The following DBNL variants were observed in gnomAD, a reference collection of about 807,000 sequenced individuals.
DBNL encodes drebrin like, also known as drebrin-like protein.
A neutral mutation model predicts 62.2 loss-of-function variants in DBNL; 35 were observed. The observed-to-expected ratio is 0.56, with a 90% CI of 0.43 to 0.75. DBNL has a LOEUF of 0.75. DBNL is among the 30% of genes least tolerant of loss of function. The pLI, the probability that DBNL is intolerant of heterozygous loss-of-function variation, is 0.00. For missense variants in DBNL, 495 were observed against 578.4 expected, an observed-to-expected ratio of 0.86 and a Z score of 1.48; for synonymous variants, 197 against 218.0, an observed-to-expected ratio of 0.90 and a Z score of 0.85.
At position 44,059,936 on chromosome 7, in the gene DBNL, G is replaced by A; in HGVS notation, c.1048-112G>A. ...CAGCAGCAGCCCAGCCCCCGAGCCT[G>A]TAGACTGCTTGCCCTCTGCGTACTC... On this transcript the variant is annotated intron_variant, in intron 11 of 12. Coordinates refer to ENST00000448521, the MANE Select transcript of DBNL (RefSeq NM_001014436.3). The surrounding 1 kb of genome is among the most constrained non-coding windows in gnomAD (Gnocchi z 4.1). The A allele has an allele frequency of 2.8e-6, 3 of 1,090,520 alleles. No homozygotes were observed. Among genetic ancestry groups the A allele is most frequent in the Non-Finnish European group, 2.7e-6 (2 of 742,252 alleles). The allele number at this position is 1,090,520 out of a possible 1,614,324, so 67.6% of individuals were successfully genotyped here.
At chr7:44,046,419 C>T (rs1318364312) in intron 1 of DBNL, among the ~76,000 whole-genome samples, 1 of 152,174 alleles carries the variant, frequency 6.6e-6, no homozygotes, top group East Asian at 1.9e-4. Flanking sequence ...TTTGGGCTTC[C>T]CTCTTCAGAC....
chr7:44,059,661 G>A lies in DBNL; in HGVS notation c.1047+3G>A, dbSNP rs943446668. On this transcript the variant is annotated splice_donor_region_variant and intron_variant, in intron 11 of 12. Transcript: ENST00000448521. This position sits in a 1 kb window ranked among gnomAD's most constrained non-coding sequence, Gnocchi z 4.1. The stretch of plus-strand genomic sequence containing the variant: ...CCTTCTACGAGCAGCCCCCACTGGT[G>A]GGTTCCTACACTGGGGCTGGGGCCA... The A allele has an allele frequency of 1.9e-6, 3 of 1,597,444 alleles. No homozygotes were observed. Among genetic ancestry groups the A allele is most frequent in the African/African-American group, 1.3e-5 (1 of 74,732 alleles).
chr7:44,046,111 A>G (rs551937101), intron 1 of DBNL, among the ~76,000 whole-genome samples: 21 of 152,288 alleles, frequency 1.4e-4, no homozygotes, highest in African/African-American at 5.1e-4. Context: ...TGTTTCTCTT[A>G]GACCTCTCCT....
At chr7:44,055,121 C>A (rs2096133898) in intron 4 of DBNL, among the ~76,000 whole-genome samples, 1 of 152,194 alleles carries the variant, frequency 6.6e-6, no homozygotes, top group Admixed American at 6.5e-5. Flanking sequence ...AGCTGGATTG[C>A]TAGATCATAT....
intron 1 of DBNL, 141 bp from the exon 2 acceptor site, chr7:44,050,084 A>C: frequency 1.2e-6 from 1 of 865,524 alleles, no homozygotes; most frequent in Non-Finnish European, 1.9e-6. Flanking sequence ...GTCAGAGCAA[A>C]GTGAGAACGG....
chr7:44,055,179 C>G (rs924559771), intron 4 of DBNL, among the ~76,000 whole-genome samples: 17 of 152,208 alleles, frequency 1.1e-4, no homozygotes, highest in African/African-American at 3.9e-4. Flanking sequence ...AAAAACCATA[C>G]TGTTGTCTAG....
intron 5 of DBNL, among the ~76,000 whole-genome samples, chr7:44,057,484 G>T (rs1315723733): frequency 1.7e-4 from 26 of 152,160 alleles, no homozygotes; most frequent in Admixed American, 1.7e-3. Flanking sequence ...CTGCAGGTGG[G>T]GTATGGGGGC....
At position 44,061,278 on chromosome 7, in the gene DBNL, G is replaced by C; in HGVS notation, c.*362G>C. ...CTCTGGCTGCCTTCTGCATTTATTT[G>C]CCTTTTTTCTTTTTCTCTTGCTTCT... On this transcript the variant is annotated 3_prime_UTR_variant, in exon 13 of 13. Transcript: ENST00000448521. The C allele has an allele frequency of 4.2e-6, 1 of 240,866 alleles. No homozygotes were observed. Among genetic ancestry groups the C allele is most frequent in the Non-Finnish European group, 8.2e-6 (1 of 122,422 alleles). 14.9% of individuals were successfully genotyped at this position (240,866 alleles called of 1,614,324 possible). A position where few individuals can be genotyped will look rare whatever the true frequency, so the allele number is the denominator to read the frequency against.
chr7:44,061,185 T>C lies in DBNL; in HGVS notation c.*269T>C. On this transcript the variant is annotated 3_prime_UTR_variant, in exon 13 of 13. Transcript: ENST00000448521. Reference sequence around the variant, plus strand: ...ACAGGATACTGAGCCAAGCCCTGCCTGTGGCCAAGCCCTGAGTGGCCACTG... The same window carrying C: ...ACAGGATACTGAGCCAAGCCCTGCCCGTGGCCAAGCCCTGAGTGGCCACTG... The C allele has an allele frequency of 2.2e-6, 1 of 463,968 alleles. No homozygotes were observed. The highest frequency in any genetic ancestry group is 3.8e-6 in the Non-Finnish European group (1 of 259,986). The allele number at this position is 463,968 out of a possible 1,614,324, so 28.7% of individuals were successfully genotyped here.
Position 44,059,920 on chromosome 7 carries a change from C to A in DBNL, c.1048-128C>A. On this transcript the variant is annotated intron_variant, in intron 11 of 12. Transcript: ENST00000448521. This position sits in a 1 kb window ranked among gnomAD's most constrained non-coding sequence, Gnocchi z 4.1. Reference sequence around the variant, plus strand: ...TCTGGTAGGGCGGGGACAGCAGCAGCCCAGCCCCCGAGCCTGTAGACTGCT... The same window carrying A: ...TCTGGTAGGGCGGGGACAGCAGCAGACCAGCCCCCGAGCCTGTAGACTGCT... 3 of 939,018 alleles carry A rather than the reference C, an allele frequency of 3.2e-6. No individual in the cohort carries two copies. Among genetic ancestry groups the A allele is most frequent in the Non-Finnish European group, 3.3e-6 (2 of 610,900 alleles). 58.2% of individuals were successfully genotyped at this position (939,018 alleles called of 1,614,324 possible).
Position 44,063,225 on chromosome 7 carries a change from G to A in DBNL, c.*2309G>A, listed in dbSNP as rs543356808. On this transcript the variant is annotated 3_prime_UTR_variant, in exon 13 of 13. Coordinates refer to ENST00000448521, the MANE Select transcript of DBNL (RefSeq NM_001014436.3). ...CCTCAGCCCAGTGTGACTCCAGCCA[G>A]ACTGAAGTTGAGGGTCAGGAAGGGA... 4.3e-6 allele frequency: 2 copies of A among 468,434 alleles called. No homozygotes were observed. The highest frequency in any genetic ancestry group is 4.5e-5 in the South Asian group (2 of 44,486). The allele number at this position is 468,434 out of a possible 1,614,324, so 29.0% of individuals were successfully genotyped here.
At chr7:44,047,582 G>T (rs1207179959) in intron 1 of DBNL, among the ~76,000 whole-genome samples, 2 of 152,186 alleles carry the variant, frequency 1.3e-5, no homozygotes, top group Non-Finnish European at 2.9e-5. Flanking sequence ...TAGAAAGTAA[G>T]TTCCATGGGC....
In DBNL at chr7:44,044,839, C is replaced by T. The variant is rs576212763; in HGVS notation, c.83+19C>T. ...CCGACTGGTGGGCGGCGAGACGGGC[C>T]AGGGTCGGGCCAGGGGCTGCCTCAG... On this transcript the variant is annotated intron_variant, in intron 1 of 12. Coordinates refer to ENST00000448521, the MANE Select transcript of DBNL (RefSeq NM_001014436.3). 262 of 1,449,680 alleles carry T rather than the reference C, an allele frequency of 1.8e-4. No homozygotes were observed. The highest frequency in any genetic ancestry group is 2.9e-4 in the Admixed American group (11 of 38,144). The allele number at this position is 1,449,680 out of a possible 1,614,324, so 89.8% of individuals were successfully genotyped here. A position where few individuals can be genotyped will look rare whatever the true frequency, so the allele number is the denominator to read the frequency against.
chr7:44,052,700 G>A (rs896137013), intron 3 of DBNL, among the ~76,000 whole-genome samples, 167 bp from the exon 4 acceptor site: 4 of 152,204 alleles, frequency 2.6e-5, no homozygotes, highest in African/African-American at 9.6e-5. Context: ...GAGCCCCTTG[G>A]AGGCATGGGA....
chr7:44,046,307 C>G (rs2096117154), intron 1 of DBNL, among the ~76,000 whole-genome samples: 2 of 152,204 alleles, frequency 1.3e-5, no homozygotes, highest in South Asian at 4.1e-4. Context: ...CTAGGAGCTT[C>G]CTGGCACTCC....
chr7:44,064,640 G>A lies in DBNL; in HGVS notation c.*3724G>A. ...AGTGCAGTCAGCCCCTGTGGAGTGTGTCCCAGTTACACAGAAATGGGGAAA... is the reference window on the plus strand; with the variant it reads ...AGTGCAGTCAGCCCCTGTGGAGTGTATCCCAGTTACACAGAAATGGGGAAA... On this transcript the variant is annotated 3_prime_UTR_variant, in exon 13 of 13. Transcript: ENST00000448521. The A allele has an allele frequency of 1.1e-5, 7 of 626,490 alleles. No individual in the cohort carries two copies. In the South Asian group the frequency reaches 1.3e-4, roughly 12 times the overall value. The allele number at this position is 626,490 out of a possible 1,614,324, so 38.8% of individuals were successfully genotyped here.
Position 44,060,837 on chromosome 7 carries a change from A to G in DBNL, c.1214A>G (p.Asp405Gly), listed in dbSNP as rs770757998. The change falls in exon 13 of 13, where the codon GAC becomes GGC. Residue 405 changes from aspartate to glycine, a missense_variant. Coordinates refer to ENST00000448521, the MANE Select transcript of DBNL (RefSeq NM_001014436.3). The surrounding 1 kb of genome is among the most constrained non-coding windows in gnomAD (Gnocchi z 6.3). The part of the protein sequence containing the change: ...ENLITGIEVI[D>G]EGWWRGYGPD... ...CTCATCACGGGCATCGAGGTGATCG[A>G]CGAAGGCTGGTGGCGTGGCTATGGG... The G allele has an allele frequency of 1.9e-5, 30 of 1,613,686 alleles. No homozygotes were observed. The East Asian group carries it at 6.5e-4, about 35-fold the overall frequency.
Position 44,065,560 on chromosome 7 carries a change from A to G in DBNL, c.*4644A>G. On this transcript the variant is annotated 3_prime_UTR_variant, in exon 13 of 13. Transcript: ENST00000448521. Reference sequence around the variant, plus strand: ...CAGCAGGGACCACAGAGGACTCTGGACGGGGACGGCTGCTTCCCAACACTC... The same window carrying G: ...CAGCAGGGACCACAGAGGACTCTGGGCGGGGACGGCTGCTTCCCAACACTC... 6.2e-7 allele frequency: 1 copy of G among 1,607,856 alleles called. No individual in the cohort carries two copies. Among genetic ancestry groups the G allele is most frequent in the Non-Finnish European group, 8.5e-7 (1 of 1,175,584 alleles).
Position 44,059,905 on chromosome 7 carries a change from C to T in DBNL, c.1048-143C>T, listed in dbSNP as rs977615934. 18 of 849,900 alleles carry T rather than the reference C, an allele frequency of 2.1e-5. No individual in the cohort carries two copies. The highest frequency in any genetic ancestry group is 3.4e-4 in the Middle Eastern group (1 of 2,958). 52.6% of individuals were successfully genotyped at this position (849,900 alleles called of 1,614,324 possible). A position where few individuals can be genotyped will look rare whatever the true frequency, so the allele number is the denominator to read the frequency against. On this transcript the variant is annotated intron_variant, in intron 11 of 12. Transcript: ENST00000448521. This position sits in a 1 kb window ranked among gnomAD's most constrained non-coding sequence, Gnocchi z 4.1. ...CTGTGGCTTCTGTACTCTGGTAGGG[C>T]GGGGACAGCAGCAGCCCAGCCCCCG...
Sources: gnomAD v4.1 joint callset for allele counts (sites outside exome capture counted in the v4.1 genomes callset) on GRCh38, gnomAD v4.1.1 for gene constraint, Gnocchi (gnomAD v3.1) non-coding constraint, MANE v1.5 for transcripts, NCBI Gene and HGNC (gene_info 2026-07-23, HGNC 2026-07-21) for gene names.